RBFOX1: variants seen among roughly 807,000 people sequenced by gnomAD.
RBFOX1 encodes the protein RNA binding fox-1 homolog 1.
RBFOX1 carries 8 observed loss-of-function variants against 57.7 expected under a neutral mutation model. The ratio of observed to expected loss-of-function variants is 0.14; its 90% CI spans 0.08 to 0.25. RBFOX1 has a LOEUF of 0.25. RBFOX1 is among the 10% of genes least tolerant of loss of function. RBFOX1 has a pLI of 1.00. For synonymous variants in RBFOX1, 326 were observed against 222.4 expected (o/e 1.47, Z -4.15); for missense variants, 611 against 548.5 (o/e 1.11, Z -1.14).
chr16:6,155,708 G>A (rs951819136), intron 1 of RBFOX1, among the ~76,000 whole-genome samples: 3 of 152,178 alleles, frequency 2.0e-5, no homozygotes, highest in African/African-American at 7.2e-5. Context: ...ACTCCTTGAA[G>A]TAGTCCCCGT....
intron 1 of RBFOX1, among the ~76,000 whole-genome samples, chr16:5,365,411 T>C (rs561176691): frequency 2.4e-4 from 36 of 152,342 alleles, no homozygotes; most frequent in African/African-American, 8.2e-4. Flanking sequence ...CTCACACCTG[T>C]AATCCCAGCA....
chr16:6,910,852 C>T (rs1194119059), intron 3 of RBFOX1, among the ~76,000 whole-genome samples: 1 of 152,174 alleles, frequency 6.6e-6, no homozygotes, highest in Non-Finnish European at 1.5e-5. Flanking sequence ...AGAAGAATGC[C>T]TCCATTTCAT....
intron 1 of RBFOX1, among the ~76,000 whole-genome samples, chr16:6,279,561 G>A (rs2076171105): frequency 6.6e-6 from 1 of 152,182 alleles, no homozygotes; most frequent in African/African-American, 2.4e-5. Flanking sequence ...GCTTGTGTAA[G>A]TCTCACTGAA....
rs541117491 is a variant in RBFOX1, at chr16:5,341,902, G to A, written c.219+101797G>A. 5.9e-5 allele frequency among the ~76,000 whole-genome samples: 9 copies of A among 152,266 alleles called. No individual in the cohort carries two copies. The South Asian group carries it at 1.9e-3, about 32-fold the overall frequency. On this transcript the variant is annotated intron_variant, in intron 1 of 2. Coordinates refer to the RBFOX1 transcript ENST00000585867. ...AAGTCACCTGGTGGAGTGTTCAGACGGGAAGCCTCCCTGCCAGGGCTGGAG... is the reference window on the plus strand; with the variant it reads ...AAGTCACCTGGTGGAGTGTTCAGACAGGAAGCCTCCCTGCCAGGGCTGGAG...
At chr16:5,759,758 A>T (rs1291985064) in intron 3 of RBFOX1, among the ~76,000 whole-genome samples, 1 of 151,382 alleles carries the variant, frequency 6.6e-6, no homozygotes, top group Non-Finnish European at 1.5e-5. Context: ...CATTTTTCTG[A>T]TCTCCCTGAT....
Position 6,829,485 on chromosome 16 carries a change from A to AAAC in RBFOX1, c.-16+174837_-16+174838insCAA, listed in dbSNP as rs1432755050. Among the ~76,000 whole-genome samples, 787 of 151,086 alleles carry AAAC rather than the reference A, an allele frequency of 5.2e-3. 16 individuals carry two copies. Among genetic ancestry groups the AAAC allele is most frequent in the African/African-American group, 0.019 (768 of 41,160 alleles). ...AATGAAATACCACTCAACCATTAAA[A>AAAC]AAAAAAAAAACAAAAAAACGTTAAC... is the stretch of plus-strand genomic sequence containing the variant. On this transcript the variant is annotated intron_variant, in intron 3 of 15. Coordinates refer to ENST00000550418, the MANE Select transcript of RBFOX1 (RefSeq NM_018723.4).
intron 3 of RBFOX1, among the ~76,000 whole-genome samples, chr16:6,724,042 C>G (rs1266455363): frequency 6.6e-6 from 1 of 151,910 alleles, no homozygotes; most frequent in African/African-American, 2.4e-5. Flanking sequence ...ATTTGTGTAC[C>G]CTGAACATTT....
chr16:5,255,780 G>A (rs930968289), intron 1 of RBFOX1, among the ~76,000 whole-genome samples: 15 of 151,952 alleles, frequency 9.9e-5, no homozygotes, highest in African/African-American at 3.6e-4. Flanking sequence ...TTAACCACCT[G>A]CTAGATTCTG....
intron 3 of RBFOX1, among the ~76,000 whole-genome samples, chr16:6,936,593 A>T (rs1413871534): frequency 6.6e-6 from 1 of 152,164 alleles, no homozygotes; most frequent in East Asian, 1.9e-4. Flanking sequence ...ATGCCAGCCT[A>T]AGCACTTGAC....
intron 2 of RBFOX1, among the ~76,000 whole-genome samples, chr16:6,606,519 T>C (rs2097928648): frequency 6.6e-6 from 1 of 152,106 alleles, no homozygotes. Flanking sequence ...CTTTCCCTCC[T>C]CCTTCCCCTC....
intron 1 of RBFOX1, among the ~76,000 whole-genome samples, chr16:5,264,774 C>G (rs2062817955): frequency 6.6e-6 from 1 of 152,052 alleles, no homozygotes; most frequent in African/African-American, 2.4e-5. Flanking sequence ...GTACAGGGCT[C>G]TCTAGCATTC....
intron 1 of RBFOX1, among the ~76,000 whole-genome samples, chr16:6,167,202 T>C (rs2096924573): frequency 6.6e-6 from 1 of 152,266 alleles, no homozygotes; most frequent in South Asian, 2.1e-4. Flanking sequence ...GCATGCGTGA[T>C]GTTCAGGGCC....
intron 3 of RBFOX1, among the ~76,000 whole-genome samples, chr16:5,803,123 G>A (rs2055112712): frequency 6.6e-6 from 1 of 152,036 alleles, no homozygotes. Flanking sequence ...ATAGTCAGAG[G>A]GTCTCTCCAT....
intron 1 of RBFOX1, among the ~76,000 whole-genome samples, chr16:6,070,011 C>T (rs1397311547): frequency 6.6e-6 from 1 of 152,096 alleles, no homozygotes; most frequent in Non-Finnish European, 1.5e-5. Context: ...CCCCCCAAAA[C>T]CAAACAAAAA....
chr16:5,938,078 A>C (rs1054859808), intron 4 of RBFOX1, among the ~76,000 whole-genome samples: 4 of 152,180 alleles, frequency 2.6e-5, no homozygotes, highest in Admixed American at 2.0e-4. Flanking sequence ...CATTCTGGCC[A>C]AAAGCTGAAA....
chr16:7,019,418 G>C (rs2094093789), intron 3 of RBFOX1, among the ~76,000 whole-genome samples: 1 of 152,130 alleles, frequency 6.6e-6, no homozygotes, highest in Non-Finnish European at 1.5e-5. Context: ...GGGAGAGAGA[G>C]AGTGGGAGAG....
At chr16:5,825,781 G>A (rs1392665362) in intron 3 of RBFOX1, among the ~76,000 whole-genome samples, 1 of 145,590 alleles carries the variant, frequency 6.9e-6, no homozygotes, top group Non-Finnish European at 1.5e-5. Context: ...TCCTTAATAT[G>A]AATAAGGAAT....
intron 4 of RBFOX1, among the ~76,000 whole-genome samples, chr16:7,289,762 C>G (rs1030730383): frequency 2.6e-5 from 4 of 152,136 alleles, no homozygotes; most frequent in African/African-American, 9.7e-5. Context: ...TTAGTCCATG[C>G]TATCAAATTT....
At chr16:6,634,685 T>C (rs1243176950) in intron 2 of RBFOX1, among the ~76,000 whole-genome samples, 2 of 145,214 alleles carry the variant, frequency 1.4e-5, no homozygotes, top group Non-Finnish European at 3.0e-5. Flanking sequence ...TATGTACATA[T>C]ATAATACAAA....
Sources: gnomAD v4.1 joint callset for allele counts (sites outside exome capture counted in the v4.1 genomes callset) on GRCh38, gnomAD v4.1.1 for gene constraint, MANE v1.5 for transcripts, NCBI Gene and HGNC (gene_info 2026-07-23, HGNC 2026-07-21) for gene names.